The following KCNMB2 variants were observed in gnomAD, a reference collection of about 807,000 sequenced individuals.
The protein encoded by KCNMB2 is potassium calcium-activated channel subfamily M regulatory beta subunit 2.
In KCNMB2, 9 loss-of-function variants were observed where a neutral mutation model predicts 24.5. That is an observed-to-expected ratio of 0.37 (90% CI 0.22 to 0.64). KCNMB2 has a LOEUF of 0.64. Among genes scored for constraint, KCNMB2 ranks in the 30% least tolerant of loss-of-function variants. KCNMB2 has a pLI of 0.63. For missense variants in KCNMB2, 226 were observed against 284.3 expected (o/e 0.79, Z 1.47); for synonymous variants, 109 against 104.4 (o/e 1.04, Z -0.27).
At chr3:178,642,687 T>A (rs540083430) in intron 1 of KCNMB2, among the ~76,000 whole-genome samples, 1 of 152,318 alleles carries the variant, frequency 6.6e-6, no homozygotes, top group Admixed American at 6.5e-5. Flanking sequence ...ATTGCTGGGG[T>A]GAAAATCTTG....
chr3:178,715,548 C>G (rs967152442), intron 1 of KCNMB2, among the ~76,000 whole-genome samples: 2 of 151,934 alleles, frequency 1.3e-5, no homozygotes, highest in African/African-American at 4.8e-5. Flanking sequence ...TCTACTGTTT[C>G]AAGGAGGAAC....
chr3:178,730,767 T>A (rs1447110368), intron 1 of KCNMB2, among the ~76,000 whole-genome samples: 2 of 152,092 alleles, frequency 1.3e-5, no homozygotes, highest in East Asian at 3.9e-4. Context: ...CAGTAGACCC[T>A]TTGCATCAAG....
chr3:178,822,467 T>C (rs1023696597), intron 2 of KCNMB2, among the ~76,000 whole-genome samples: 1 of 152,250 alleles, frequency 6.6e-6, no homozygotes, highest in Non-Finnish European at 1.5e-5. Context: ...ACATGTCTGT[T>C]TTCCTTTGGG....
chr3:178,634,666 C>T (rs1437799259), intron 1 of KCNMB2, among the ~76,000 whole-genome samples: 2 of 152,068 alleles, frequency 1.3e-5, no homozygotes, highest in African/African-American at 4.8e-5. Flanking sequence ...CCATATCACA[C>T]GGTTTGGTCT....
intron 1 of KCNMB2, among the ~76,000 whole-genome samples, chr3:178,579,607 AATAG>A (rs746659728): frequency 1.3e-5 from 2 of 152,200 alleles, no homozygotes; most frequent in African/African-American, 4.8e-5. Flanking sequence ...AGATTAACAA[AATAG>A]ATAGACCACT....
intron 1 of KCNMB2, among the ~76,000 whole-genome samples, chr3:178,794,627 T>C (rs1380282251): frequency 1.3e-5 from 2 of 152,184 alleles, no homozygotes; most frequent in Non-Finnish European, 2.9e-5. Context: ...AATCAAAAAA[T>C]GACGATTATA....
At chr3:178,797,121 A>C (rs1042970857) in intron 1 of KCNMB2, among the ~76,000 whole-genome samples, 13 of 152,290 alleles carry the variant, frequency 8.5e-5, no homozygotes, top group Middle Eastern at 3.4e-3. Flanking sequence ...TATGGCAATA[A>C]ATTGGAAAAC....
At chr3:178,671,965 A>G (rs1180153358) in intron 1 of KCNMB2, among the ~76,000 whole-genome samples, 3 of 152,154 alleles carry the variant, frequency 2.0e-5, no homozygotes, top group East Asian at 3.9e-4. Flanking sequence ...ACCTTTGGCT[A>G]AGAGAACTCA....
intron 1 of KCNMB2, among the ~76,000 whole-genome samples, chr3:178,568,887 G>C (rs1021912941): frequency 6.8e-6 from 1 of 147,230 alleles, no homozygotes; most frequent in African/African-American, 2.6e-5. Context: ...TAGATAGATA[G>C]ATAGATAGAT....
chr3:178,709,289 T>G (rs1722377922), intron 1 of KCNMB2, among the ~76,000 whole-genome samples: 2 of 152,206 alleles, frequency 1.3e-5, no homozygotes, highest in South Asian at 4.1e-4. Flanking sequence ...TACTGGATAT[T>G]TTCAAATGTT....
chr3:178,546,579 T>C (rs1469775944), intron 1 of KCNMB2, among the ~76,000 whole-genome samples: 1 of 152,170 alleles, frequency 6.6e-6, no homozygotes, highest in Non-Finnish European at 1.5e-5. Flanking sequence ...CTTTAAATTA[T>C]AGCCTGTTAC....
At chr3:178,541,850 C>A (rs532994060) in intron 1 of KCNMB2, among the ~76,000 whole-genome samples, 2 of 152,172 alleles carry the variant, frequency 1.3e-5, no homozygotes, top group Non-Finnish European at 2.9e-5. Flanking sequence ...CATAAAGCAA[C>A]CTTTTTCGAT....
At chr3:178,648,355 T>C (rs1470469691) in intron 1 of KCNMB2, among the ~76,000 whole-genome samples, 2 of 152,120 alleles carry the variant, frequency 1.3e-5, no homozygotes, top group Admixed American at 6.5e-5. Flanking sequence ...CTGGGCAACA[T>C]AGCAAGACCC....
At chr3:178,648,500 C>G (rs891594741) in intron 1 of KCNMB2, among the ~76,000 whole-genome samples, 1 of 152,146 alleles carries the variant, frequency 6.6e-6, no homozygotes, top group Non-Finnish European at 1.5e-5. Flanking sequence ...TATGATCATG[C>G]CACTTTACCC....
intron 1 of KCNMB2, among the ~76,000 whole-genome samples, chr3:178,755,279 T>C (rs1723992637): frequency 6.6e-6 from 1 of 152,184 alleles, no homozygotes; most frequent in Non-Finnish European, 1.5e-5. Context: ...ATGAGAAAAA[T>C]CATAGTGAGA....
At chr3:178,678,888 C>T (rs1334838374) in intron 1 of KCNMB2, among the ~76,000 whole-genome samples, 1 of 152,120 alleles carries the variant, frequency 6.6e-6, no homozygotes, top group East Asian at 1.9e-4. Context: ...GATCCATAGA[C>T]CTTTCCTGAT....
intron 4 of KCNMB2, among the ~76,000 whole-genome samples, chr3:178,833,920 T>G (rs1308126301): frequency 6.6e-6 from 1 of 152,140 alleles, no homozygotes; most frequent in East Asian, 1.9e-4. Context: ...CCTGCCTCCC[T>G]TGGCTACAAG....
chr3:178,577,729 A>G (rs997299412), intron 1 of KCNMB2, among the ~76,000 whole-genome samples: 6 of 152,380 alleles, frequency 3.9e-5, no homozygotes, highest in African/African-American at 1.2e-4. Flanking sequence ...TTCATGAAGC[A>G]TACACAAATA....
chr3:178,650,820 C>T (rs1720089140), intron 1 of KCNMB2, among the ~76,000 whole-genome samples: 1 of 152,168 alleles, frequency 6.6e-6, no homozygotes, highest in East Asian at 1.9e-4. Flanking sequence ...ACACGATTAT[C>T]TCAATAGATG....
Sources: gnomAD v4.1 joint callset for allele counts (sites outside exome capture counted in the v4.1 genomes callset) on GRCh38, gnomAD v4.1.1 for gene constraint, MANE v1.5 for transcripts, NCBI Gene and HGNC (gene_info 2026-07-23, HGNC 2026-07-21) for gene names.